The following CAPZA2 variants were observed in gnomAD, a reference collection of about 807,000 sequenced individuals.
CAPZA2 encodes the protein F-actin-capping protein subunit alpha-2.
A neutral mutation model predicts 44.0 loss-of-function variants in CAPZA2; 13 were observed. The ratio of observed to expected loss-of-function variants is 0.30; its 90% CI spans 0.19 to 0.47. The LOEUF (loss-of-function observed/expected upper bound fraction) is 0.47, where lower values mean the gene tolerates loss of function less well. CAPZA2 is among the 20% of genes least tolerant of loss of function. The probability of loss-of-function intolerance (pLI) is 1.00; values close to 1 mark genes in which losing one functional copy is unlikely to be tolerated. For missense variants in CAPZA2, 244 were observed against 338.6 expected, an observed-to-expected ratio of 0.72 and a Z score of 2.19; for synonymous variants, 94 against 108.2, an observed-to-expected ratio of 0.87 and a Z score of 0.81.
chr7:116,916,349 G>A (rs991887179), intron 9 of CAPZA2, among the ~76,000 whole-genome samples: 5 of 152,216 alleles, frequency 3.3e-5, no homozygotes, highest in South Asian at 2.1e-4. Flanking sequence ...AGACTAGGCC[G>A]AGCGCGGAGG....
At chr7:116,909,771 T>C (rs1791564694) in intron 6 of CAPZA2, 1 of 171,198 alleles carries the variant, frequency 5.8e-6, no homozygotes, top group South Asian at 1.4e-4. Flanking sequence ...TTTATTCCAT[T>C]TATTTTGGAA....
At chr7:116,863,576 G>A (rs1238444356) in intron 1 of CAPZA2, among the ~76,000 whole-genome samples, 1 of 152,158 alleles carries the variant, frequency 6.6e-6, no homozygotes, top group Admixed American at 6.5e-5. Context: ...CGCCCCTTTC[G>A]TTTGGCTTTT....
At chr7:116,892,512 A>C (rs1796860645) in intron 2 of CAPZA2, among the ~76,000 whole-genome samples, 2 of 152,076 alleles carry the variant, frequency 1.3e-5, no homozygotes, top group African/African-American at 4.8e-5. Context: ...TTTCCAGTGG[A>C]GCTCATCTCC....
rs1321229514 is a variant in CAPZA2 at position 116,918,288 on chromosome 7, G to A, written c.*421G>A. The A allele has an allele frequency of 6.3e-6, 1 of 159,602 alleles. No homozygotes were observed. The highest frequency in any genetic ancestry group is 1.4e-5 in the Non-Finnish European group (1 of 71,728). The allele number at this position is 159,602 out of a possible 1,614,324, so 9.9% of individuals were successfully genotyped here. A position where few individuals can be genotyped will look rare whatever the true frequency, so the allele number is the denominator to read the frequency against. Reference sequence around the variant, plus strand: ...GACATTCTAGTTTAAGGTGGTTGATGGATTTAGCCATATATGCTGCTAAAG... The same window carrying A: ...GACATTCTAGTTTAAGGTGGTTGATAGATTTAGCCATATATGCTGCTAAAG... On this transcript the variant is annotated 3_prime_UTR_variant, in exon 10 of 10. Transcript: ENST00000361183.
At chr7:116,898,701 A>AT in intron 3 of CAPZA2, 71 bp from the exon 4 acceptor site, 1 of 1,011,798 alleles carries the variant, frequency 9.9e-7, no homozygotes, top group Non-Finnish European at 1.5e-6. Context: ...TGATGGGTGA[A>AT]TTTTTTGACC....
intron 1 of CAPZA2, among the ~76,000 whole-genome samples, chr7:116,879,178 A>T (rs1015921261): frequency 6.6e-6 from 1 of 150,952 alleles, no homozygotes; most frequent in Non-Finnish European, 1.5e-5. Flanking sequence ...ATGCTAATGC[A>T]GGCATACTTC....
chr7:116,898,253 A>G (rs1268549182), intron 3 of CAPZA2, among the ~76,000 whole-genome samples: 2 of 151,200 alleles, frequency 1.3e-5, no homozygotes, highest in Admixed American at 6.6e-5. Flanking sequence ...TGTTGCCTCA[A>G]CAGAATGTAA....
chr7:116,900,615 G>A (rs1796982914), intron 4 of CAPZA2, among the ~76,000 whole-genome samples: 1 of 151,754 alleles, frequency 6.6e-6, no homozygotes. Flanking sequence ...AAAGGCATAC[G>A]ATTATGAAGA....
At chr7:116,873,111 A>G (rs1441065366) in intron 1 of CAPZA2, among the ~76,000 whole-genome samples, 1 of 152,194 alleles carries the variant, frequency 6.6e-6, no homozygotes, top group Non-Finnish European at 1.5e-5. Context: ...CCATGTGGAA[A>G]TTATAGGGGC....
chr7:116,898,868 G>A, intron 4 of CAPZA2, 33 bp downstream of exon 4: 2 of 1,271,778 alleles, frequency 1.6e-6, no homozygotes, highest in Non-Finnish European at 2.3e-6. Context: ...TCTTTGTTTT[G>A]TTTATAACCG....
At chr7:116,893,446 C>T (rs999915323) in intron 3 of CAPZA2, among the ~76,000 whole-genome samples, 8 of 152,022 alleles carry the variant, frequency 5.3e-5, no homozygotes, top group Non-Finnish European at 1.0e-4. Context: ...GTTTTTAAAG[C>T]ACTAATCTCT....
At chr7:116,881,129 C>T (rs1347342101) in intron 1 of CAPZA2, among the ~76,000 whole-genome samples, 1 of 152,186 alleles carries the variant, frequency 6.6e-6, no homozygotes, top group Admixed American at 6.5e-5. Flanking sequence ...AATAACATCA[C>T]TTCTTGCTGC....
intron 5 of CAPZA2, among the ~76,000 whole-genome samples, chr7:116,905,141 A>C (rs1273627724): frequency 6.6e-6 from 1 of 150,646 alleles, no homozygotes; most frequent in Non-Finnish European, 1.5e-5. Flanking sequence ...TCTGTCTCAA[A>C]AAAAAAAAAA....
intron 1 of CAPZA2, chr7:116,874,050 A>G (rs1476911918): frequency 1.3e-5 from 2 of 152,996 alleles, no homozygotes; most frequent in Non-Finnish European, 2.9e-5. Context: ...ATCATAGGCC[A>G]TTAAAAGTAC....
intron 1 of CAPZA2, chr7:116,874,059 A>G (rs1038905244): frequency 4.6e-5 from 7 of 153,056 alleles, no homozygotes; most frequent in Non-Finnish European, 1.0e-4. Context: ...CATTAAAAGT[A>G]CTAGATGTTT....
chr7:116,904,532 C>T (rs1791459394), intron 5 of CAPZA2, 149 bp downstream of exon 5: 3 of 592,350 alleles, frequency 5.1e-6, no homozygotes, highest in Non-Finnish European at 8.9e-6. Flanking sequence ...ACTATTTTTT[C>T]AAGAAATTCT....
chr7:116,914,027 T>A (rs866909002), intron 8 of CAPZA2, among the ~76,000 whole-genome samples: 3 of 98,818 alleles, frequency 3.0e-5, no homozygotes, highest in South Asian at 6.6e-4. Context: ...TAAAGAAAAT[T>A]TTTTTTTTTT....
At chr7:116,890,651 C>T (rs1796833468) in intron 2 of CAPZA2, among the ~76,000 whole-genome samples, 1 of 134,614 alleles carries the variant, frequency 7.4e-6, no homozygotes, top group Admixed American at 7.8e-5. Context: ...GTGGTGCATG[C>T]CTGGGAATCC....
intron 1 of CAPZA2, among the ~76,000 whole-genome samples, chr7:116,869,356 T>A (rs1796521222): frequency 6.6e-6 from 1 of 152,246 alleles, no homozygotes. Context: ...TTTACATGTT[T>A]CACTATGCAT....
Sources: allele counts gnomAD v4.1 joint callset (sites outside exome capture counted in the v4.1 genomes callset), GRCh38; gene constraint gnomAD v4.1.1; transcripts MANE v1.5; gene names NCBI Gene and HGNC (gene_info 2026-07-23, HGNC 2026-07-21).